The following CDC73 variants were observed in gnomAD, a reference collection of about 807,000 sequenced individuals.
CDC73 encodes parafibromin.
In CDC73, 21 loss-of-function variants were observed where a neutral mutation model predicts 83.7. The observed-to-expected ratio is 0.25, with a 90% CI of 0.18 to 0.36. The LOEUF (loss-of-function observed/expected upper bound fraction) is 0.36. Ranked by LOEUF, CDC73 falls within the 10% of genes least tolerant of loss-of-function variation. The probability of loss-of-function intolerance (pLI) is 1.00; values close to 1 mark genes in which losing one functional copy is unlikely to be tolerated. For synonymous variants in CDC73, 224 were observed against 212.9 expected, an observed-to-expected ratio of 1.05 and a Z score of -0.45; for missense variants, 342 against 653.3, an observed-to-expected ratio of 0.52 and a Z score of 5.19.
chr1:193,194,404 A>G (rs1225642324), intron 10 of CDC73, among the ~76,000 whole-genome samples: 1 of 152,118 alleles, frequency 6.6e-6, no homozygotes, highest in East Asian at 1.9e-4. Context: ...TTACAGATCA[A>G]CTTTTTTCAC....
intron 10 of CDC73, among the ~76,000 whole-genome samples, chr1:193,156,957 T>A (rs1676217747): frequency 6.6e-6 from 1 of 152,138 alleles, no homozygotes; most frequent in East Asian, 1.9e-4. Flanking sequence ...GACACATTAG[T>A]CACACTATAA....
intron 13 of CDC73, among the ~76,000 whole-genome samples, chr1:193,215,709 C>T (rs1477010289): frequency 6.6e-6 from 1 of 151,758 alleles, no homozygotes; most frequent in Non-Finnish European, 1.5e-5. Context: ...CTTGCCTCAG[C>T]CTTCTGAGTA....
chr1:193,207,471 T>G (rs1677207103), intron 11 of CDC73, among the ~76,000 whole-genome samples: 1 of 152,080 alleles, frequency 6.6e-6, no homozygotes, highest in Non-Finnish European at 1.5e-5. Flanking sequence ...CGTATTTCAG[T>G]CCTTATCTCA....
chr1:193,251,510 T>G lies in CDC73; in HGVS notation c.*798T>G, dbSNP rs1325655852. The G allele has an allele frequency of 4.3e-6, 1 of 232,134 alleles. No individual in the cohort carries two copies. The allele number at this position is 232,134 out of a possible 1,614,324, so 14.4% of individuals were successfully genotyped here. ...TATCAGCCCTATTGCAGTATAACTT[T>G]AAGCTCCTTTTCTCTTTAGTCCACT... On this transcript the variant is annotated 3_prime_UTR_variant, in exon 17 of 17. Transcript: ENST00000367435.
chr1:193,211,754 G>A (rs1677283891), intron 11 of CDC73, among the ~76,000 whole-genome samples: 1 of 152,192 alleles, frequency 6.6e-6, no homozygotes, highest in African/African-American at 2.4e-5. Flanking sequence ...TTTCAGTCTT[G>A]TGAATTGTTT....
intron 10 of CDC73, among the ~76,000 whole-genome samples, chr1:193,178,238 G>A (rs1676645957): frequency 6.6e-6 from 1 of 152,046 alleles, no homozygotes; most frequent in Admixed American, 6.5e-5. Flanking sequence ...GCCTTTGAGA[G>A]CTCACAGTGT....
At chr1:193,178,299 T>C (rs1176606633) in intron 10 of CDC73, among the ~76,000 whole-genome samples, 1 of 152,126 alleles carries the variant, frequency 6.6e-6, no homozygotes, top group Non-Finnish European at 1.5e-5. Flanking sequence ...AATATAGAAA[T>C]TTACATAGAT....
intron 13 of CDC73, among the ~76,000 whole-genome samples, chr1:193,216,375 T>C (rs1306226329): frequency 1.3e-5 from 2 of 152,112 alleles, no homozygotes; most frequent in East Asian, 3.9e-4. Flanking sequence ...ATATAATCTC[T>C]CAAGATTGAT....
chr1:193,192,249 C>G (rs1676931785), intron 10 of CDC73, among the ~76,000 whole-genome samples: 1 of 152,096 alleles, frequency 6.6e-6, no homozygotes, highest in African/African-American at 2.4e-5. Flanking sequence ...TCAAGACCAG[C>G]CTGGCTGACA....
At chr1:193,236,399 T>C in intron 15 of CDC73, 43 bp downstream of exon 15, 1 of 1,221,028 alleles carries the variant, frequency 8.2e-7, no homozygotes, top group Non-Finnish European at 1.2e-6. Context: ...ATAGAAATGT[T>C]CTCACTTTAT....
chr1:193,196,164 G>A (rs1042741154), intron 10 of CDC73, among the ~76,000 whole-genome samples: 1 of 152,128 alleles, frequency 6.6e-6, no homozygotes, highest in Non-Finnish European at 1.5e-5. Context: ...AGTTAAATTT[G>A]TATATAGTTT....
At chr1:193,224,326 G>A (rs1190671395) in intron 13 of CDC73, among the ~76,000 whole-genome samples, 1 of 129,626 alleles carries the variant, frequency 7.7e-6, no homozygotes, top group Non-Finnish European at 1.6e-5. Context: ...TTTACTCAAT[G>A]CCATTGTTCC....
chr1:193,176,557 A>G (rs1409919716), intron 10 of CDC73, among the ~76,000 whole-genome samples: 3 of 152,212 alleles, frequency 2.0e-5, no homozygotes, highest in Admixed American at 6.5e-5. Flanking sequence ...TGGGTTTTCT[A>G]TCCCATTTTA....
At chr1:193,124,977 A>G in intron 1 of CDC73, 135 bp from the exon 2 acceptor site, 1 of 682,680 alleles carries the variant, frequency 1.5e-6, no homozygotes, top group Admixed American at 2.2e-5. Flanking sequence ...TCTATTCATT[A>G]TTAGATTTTA....
intron 5 of CDC73, among the ~76,000 whole-genome samples, chr1:193,137,483 T>C (rs750024588): frequency 2.0e-5 from 3 of 152,224 alleles, no homozygotes; most frequent in Non-Finnish European, 4.4e-5. Context: ...CCAACAGCTT[T>C]TCAGACTAAA....
chr1:193,144,455 TATA>T (rs1257873786), intron 7 of CDC73, among the ~76,000 whole-genome samples: 4 of 152,206 alleles, frequency 2.6e-5, no homozygotes, highest in Non-Finnish European at 5.9e-5. Flanking sequence ...AACTATTTTT[TATA>T]ATAAGACTAA....
intron 10 of CDC73, among the ~76,000 whole-genome samples, chr1:193,177,181 T>TA (rs1014104263): frequency 3.3e-5 from 5 of 150,880 alleles, no homozygotes; most frequent in African/African-American, 7.3e-5. Context: ...CTTTTTTTTT[T>TA]AATCAGCTGT....
At chr1:193,215,720 G>T (rs1194276610) in intron 13 of CDC73, among the ~76,000 whole-genome samples, 1 of 151,636 alleles carries the variant, frequency 6.6e-6, no homozygotes, top group Non-Finnish European at 1.5e-5. Flanking sequence ...CTTCTGAGTA[G>T]CTGGGACTAC....
chr1:193,243,293 ATAGG>A (rs1677894663), intron 15 of CDC73, among the ~76,000 whole-genome samples: 1 of 152,036 alleles, frequency 6.6e-6, no homozygotes, highest in East Asian at 1.9e-4. Flanking sequence ...CTTTTTCTGA[ATAGG>A]AAAGATTTTT....
Sources: allele counts gnomAD v4.1 joint callset (sites outside exome capture counted in the v4.1 genomes callset), GRCh38; gene constraint gnomAD v4.1.1; transcripts MANE v1.5; gene names NCBI Gene and HGNC (gene_info 2026-07-23, HGNC 2026-07-21).